TMEM132D: variants seen among roughly 807,000 people sequenced by gnomAD.
TMEM132D encodes the protein mature OL transmembrane protein.
Under a neutral mutation model 62.3 loss-of-function variants are expected in TMEM132D, and 21 were observed. The observed-to-expected ratio is 0.34, with a 90% CI of 0.24 to 0.49. The LOEUF (loss-of-function observed/expected upper bound fraction) is 0.49, where lower values mean the gene tolerates loss of function less well. Ranked by LOEUF, TMEM132D falls within the 20% of genes least tolerant of loss-of-function variation. TMEM132D has a pLI of 0.99. For missense variants in TMEM132D, 1,346 were observed against 1,402.8 expected (o/e 0.96, Z 0.65); for synonymous variants, 621 against 575.6 (o/e 1.08, Z -1.13).
intron 4 of TMEM132D, among the ~76,000 whole-genome samples, chr12:129,295,188 C>T (rs1390179014): frequency 3.3e-5 from 5 of 151,420 alleles, no homozygotes; most frequent in Non-Finnish European, 7.4e-5. Context: ...AGAAGACGAC[C>T]ACTACGGAAC....
intron 2 of TMEM132D, among the ~76,000 whole-genome samples, chr12:129,694,885 T>G (rs264487): frequency 0.97 from 147,422 of 152,278 alleles, 71,544 homozygotes; most frequent in East Asian, 1. Context: ...ATGTGAGCCT[T>G]TAATCCCAGC....
At chr12:129,336,435 G>A (rs1663997342) in intron 4 of TMEM132D, among the ~76,000 whole-genome samples, 1 of 152,032 alleles carries the variant, frequency 6.6e-6, no homozygotes, top group African/African-American at 2.4e-5. Flanking sequence ...AATTAGCCAG[G>A]CATGGTGGTG....
chr12:129,440,975 CAATT>C (rs1251573102), intron 3 of TMEM132D, among the ~76,000 whole-genome samples: 9 of 152,140 alleles, frequency 5.9e-5, no homozygotes, highest in Non-Finnish European at 1.3e-4. Context: ...TGGCATTTAC[CAATT>C]ATCGTTGAGG....
intron 3 of TMEM132D, among the ~76,000 whole-genome samples, chr12:129,388,914 C>A (rs559244430): frequency 7.7e-6 from 1 of 130,658 alleles, no homozygotes; most frequent in African/African-American, 2.7e-5. Flanking sequence ...ACACTAACAC[C>A]GACACCAATA....
rs564712607 is a variant in TMEM132D at position 129,500,403 on chromosome 12, G to T, written c.1115+30656C>A. Among the ~76,000 whole-genome samples the T allele has an allele frequency of 1.8e-4, 27 of 152,192 alleles. No homozygotes were observed. In the South Asian group the frequency reaches 5.2e-3, roughly 29 times the overall value. The stretch of plus-strand genomic sequence containing the variant: ...CATCTGTACCCCTTGTCTCCAGCTG[G>T]CTTGAGGCGCCTCTAGCCTGGAGGA... On this transcript the variant is annotated intron_variant, in intron 3 of 8. Transcript: ENST00000422113.
At position 129,287,613 on chromosome 12, in the gene TMEM132D, T is replaced by A. The variant is rs1210055793; in HGVS notation, c.1299+50021A>T. ...AAATAGGAACCTTACAGTGGAGAAA[T>A]CTGGCAGACAGCACCTGAACCAAAT... On this transcript the variant is annotated intron_variant, in intron 4 of 8. Coordinates refer to ENST00000422113, the MANE Select transcript of TMEM132D (RefSeq NM_133448.3). Among the ~76,000 whole-genome samples the A allele has an allele frequency of 2.6e-5, 4 of 152,220 alleles. No individual in the cohort carries two copies. The East Asian group carries it at 7.7e-4, about 29-fold the overall frequency.
chr12:129,802,602 C>A, intron 1 of TMEM132D, among the ~76,000 whole-genome samples: 2 of 110,216 alleles, frequency 1.8e-5, no homozygotes, highest in Non-Finnish European at 3.8e-5. Flanking sequence ...ATGCAAAGAC[C>A]ATCGAGACTA....
Position 129,073,098 on chromosome 12 carries a change from G to T in TMEM132D, c.*777C>A, listed in dbSNP as rs1226882159. 1 of 152,228 alleles carries T rather than the reference G, an allele frequency of 6.6e-6. No homozygotes were observed. The highest frequency in any genetic ancestry group is 1.5e-5 in the Non-Finnish European group (1 of 68,046). 9.4% of individuals were successfully genotyped at this position (152,228 alleles called of 1,614,324 possible). On this transcript the variant is annotated 3_prime_UTR_variant, in exon 9 of 9. Coordinates refer to ENST00000422113, the MANE Select transcript of TMEM132D (RefSeq NM_133448.3). ...ATAGAAATGGATACATTGTGAACTT[G>T]ATATGAATCAAAAGAGCGTGGTTCT...
intron 4 of TMEM132D, among the ~76,000 whole-genome samples, chr12:129,324,613 G>A (rs559722688): frequency 2.0e-5 from 3 of 152,080 alleles, no homozygotes; most frequent in Non-Finnish European, 2.9e-5. Flanking sequence ...GGTGGATCAC[G>A]AGGTCAGGAA....
chr12:129,694,943 G>T (rs952495819), intron 2 of TMEM132D, among the ~76,000 whole-genome samples: 4 of 152,206 alleles, frequency 2.6e-5, no homozygotes, highest in African/African-American at 9.7e-5. Context: ...GGGAGGCAGA[G>T]GTTGCAGTGA....
intron 2 of TMEM132D, among the ~76,000 whole-genome samples, chr12:129,552,535 C>G (rs10847903): frequency 0.35 from 53,065 of 151,844 alleles, 9,531 homozygotes; most frequent in Admixed American, 0.45. Flanking sequence ...TAGCATCTAA[C>G]TACCTACCTA....
intron 3 of TMEM132D, among the ~76,000 whole-genome samples, chr12:129,481,111 C>CA (rs1874416568): frequency 6.6e-6 from 1 of 151,758 alleles, no homozygotes; most frequent in Non-Finnish European, 1.5e-5. Flanking sequence ...AGGTGCCTCT[C>CA]AAGTCCAGAA....
chr12:129,423,154 C>T (rs1019646885), intron 3 of TMEM132D, among the ~76,000 whole-genome samples: 7 of 151,972 alleles, frequency 4.6e-5, no homozygotes, highest in African/African-American at 1.7e-4. Context: ...AAAAATAAAT[C>T]TCAATTCATA....
At chr12:129,338,844 C>T (rs996298878) in intron 3 of TMEM132D, among the ~76,000 whole-genome samples, 3 of 152,126 alleles carry the variant, frequency 2.0e-5, no homozygotes, top group Admixed American at 6.5e-5. Context: ...CCAAGTTTAC[C>T]GGTAAGAAGC....
chr12:129,719,144 C>A (rs1266119056), intron 1 of TMEM132D, among the ~76,000 whole-genome samples: 1 of 151,120 alleles, frequency 6.6e-6, no homozygotes. Context: ...CCTGTAGTCC[C>A]AGCTACTTGG....
intron 1 of TMEM132D, among the ~76,000 whole-genome samples, chr12:129,849,486 T>C (rs926494800): frequency 1.2e-4 from 18 of 152,348 alleles, no homozygotes; most frequent in African/African-American, 3.8e-4. Flanking sequence ...TATATAATAA[T>C]TGAATTTGAA....
chr12:129,689,301 C>T (rs1173980593), intron 2 of TMEM132D, among the ~76,000 whole-genome samples: 1 of 152,152 alleles, frequency 6.6e-6, no homozygotes, highest in East Asian at 1.9e-4. Flanking sequence ...ACCTTGATTC[C>T]TGATCAGATA....
chr12:129,694,788 C>G (rs1267984084), intron 2 of TMEM132D, among the ~76,000 whole-genome samples: 1 of 152,162 alleles, frequency 6.6e-6, no homozygotes, highest in Non-Finnish European at 1.5e-5. Context: ...GCGGGCAGCT[C>G]ACGAGGTCAG....
intron 4 of TMEM132D, among the ~76,000 whole-genome samples, chr12:129,239,132 T>C (rs982346157): frequency 6.6e-6 from 1 of 151,968 alleles, no homozygotes; most frequent in African/African-American, 2.4e-5. Context: ...CATTTGCACA[T>C]CTTCTTTGGA....
Sources: allele counts gnomAD v4.1 joint callset (sites outside exome capture counted in the v4.1 genomes callset), GRCh38; gene constraint gnomAD v4.1.1; transcripts MANE v1.5; gene names NCBI Gene and HGNC (gene_info 2026-07-23, HGNC 2026-07-21).